The following TEDC2 variants were observed in gnomAD, a reference collection of about 807,000 sequenced individuals.
The protein encoded by TEDC2 is tubulin epsilon and delta complex protein 2.
TEDC2 carries 49 observed loss-of-function variants against 48.1 expected under a neutral mutation model. The ratio of observed to expected loss-of-function variants is 1.02; its 90% confidence interval spans 0.81 to 1.29. TEDC2 has a LOEUF of 1.29. TEDC2 is among the 50% of genes most tolerant of loss of function. The probability of loss-of-function intolerance (pLI) is 0.00; values close to 1 mark genes in which losing one functional copy is unlikely to be tolerated. For synonymous variants in TEDC2, 299 were observed against 247.1 expected, an observed-to-expected ratio of 1.21 and a Z score of -1.97; for missense variants, 631 against 571.4, an observed-to-expected ratio of 1.10 and a Z score of -1.06.
rs1229881893 is a variant in TEDC2, at chr16:2,464,862, G to T, written c.*194G>T. 1 of 704,578 alleles carries T rather than the reference G, an allele frequency of 1.4e-6. No individual in the cohort carries two copies. Among genetic ancestry groups the T allele is most frequent in the Admixed American group, 3.1e-5 (1 of 32,486 alleles). The allele number at this position is 704,578 out of a possible 1,614,324, so 43.6% of individuals were successfully genotyped here. On this transcript the variant is annotated 3_prime_UTR_variant, in exon 10 of 10. Coordinates refer to ENST00000361837, the MANE Select transcript of TEDC2 (RefSeq NM_025108.3). ...GGCTTTCAGCCTTCCTAAGGCTCCT[G>T]GACTCCAGAGGCCAGCGGGGAGCCT... is the stretch of plus-strand genomic sequence containing the variant.
chr16:2,462,334 C>T (rs1183060342), intron 6 of TEDC2, 81 bp from the exon 7 acceptor site: 20 of 1,599,772 alleles, frequency 1.3e-5, no homozygotes, highest in Non-Finnish European at 1.6e-5. Context: ...CGTGGGATGG[C>T]CAGGGCCACT....
Position 2,460,361 on chromosome 16 carries a change from C to T in TEDC2, c.105C>T (p.Cys35=), listed in dbSNP as rs1319010132. 2.6e-6 allele frequency: 4 copies of T among 1,544,390 alleles called. No individual in the cohort carries two copies. Among genetic ancestry groups the T allele is most frequent in the Non-Finnish European group, 3.5e-6 (4 of 1,146,198 alleles). ...QLQLEQSLRV[C]RRLLHAWEPT... ...AATTGGAGCAGAGCCTGCGCGTTTGCCGTCGGCTGCTGCATGCCTGGTACG... is the reference window on the plus strand; with the variant it reads ...AATTGGAGCAGAGCCTGCGCGTTTGTCGTCGGCTGCTGCATGCCTGGTACG... Residue 35 remains cysteine, a synonymous_variant, in exon 2 of 10, where the codon TGC becomes TGT. Coordinates refer to ENST00000361837, the MANE Select transcript of TEDC2 (RefSeq NM_025108.3).
At chr16:2,460,240 C>A (rs2065456696) in intron 1 of TEDC2, 43 bp from the exon 2 acceptor site, 4 of 1,491,020 alleles carry the variant, frequency 2.7e-6, no homozygotes, top group South Asian at 2.5e-5. Flanking sequence ...GGGCCCGAGG[C>A]CCGACGCTGG....
chr16:2,464,569 G>C lies in TEDC2; in HGVS notation c.1203G>C (p.Gln401His). The change falls in exon 10 of 10, where the codon CAG becomes CAC. Residue 401 changes from glutamine to histidine, a missense_variant. Transcript: ENST00000361837. ...LLPLVSAAQPQGPPWLALCRA... is the reference protein window; with the variant it reads ...LLPLVSAAQPHGPPWLALCRA... ...CCCTGGTAAGCGCTGCACAGCCGCA[G>C]GGGCCGCCCTGGCTGGCCCTGTGCC... The C allele has an allele frequency of 1.2e-6, 2 of 1,606,156 alleles. No individual in the cohort carries two copies. Among genetic ancestry groups the C allele is most frequent in the South Asian group, 2.2e-5 (2 of 90,882 alleles).
chr16:2,464,798 T>C lies in TEDC2; in HGVS notation c.*130T>C. 10 of 1,312,378 alleles carry C rather than the reference T, an allele frequency of 7.6e-6. No homozygotes were observed. The highest frequency in any genetic ancestry group is 9.4e-6 in the Non-Finnish European group (9 of 955,602). 81.3% of individuals were successfully genotyped at this position (1,312,378 alleles called of 1,614,324 possible). The stretch of plus-strand genomic sequence containing the variant: ...GGTGAACTGGACCAGGTGGCCTCAC[T>C]GGCTCTTCTCAGGACAACTAAGCCT... On this transcript the variant is annotated 3_prime_UTR_variant, in exon 10 of 10. Transcript: ENST00000361837.
intron 2 of TEDC2, 76 bp from the exon 3 acceptor site, chr16:2,460,547 G>A (rs1253396876): frequency 3.8e-6 from 6 of 1,573,102 alleles, no homozygotes; most frequent in South Asian, 2.3e-5. Flanking sequence ...CTGCCGCGGG[G>A]CCCGGCGGCC....
chr16:2,461,242 T>A lies in TEDC2; in HGVS notation c.605+18T>A, dbSNP rs551367799. The A allele has an allele frequency of 1.3e-5, 19 of 1,446,222 alleles. 2 individuals carry two copies. The South Asian group carries it at 2.7e-4, about 20-fold the overall frequency. 89.6% of individuals were successfully genotyped at this position (1,446,222 alleles called of 1,614,324 possible). A position where few individuals can be genotyped will look rare whatever the true frequency, so the allele number is the denominator to read the frequency against. On this transcript the variant is annotated intron_variant, in intron 4 of 9. Coordinates refer to ENST00000361837, the MANE Select transcript of TEDC2 (RefSeq NM_025108.3). ...GAGAAGGGGTAGGTTTCCCGGACCC[T>A]CACTGGAGGGACTTCTGTCTCTGCC...
At position 2,460,131 on chromosome 16, in the gene TEDC2, A is replaced by G. The variant is rs1182164957; in HGVS notation, c.-14A>G. ...TTCAGAGGCGGCAAATTGCAAGGAGACGCCGCCGCCTTCATGCTGCCGGCG... is the reference window on the plus strand; with the variant it reads ...TTCAGAGGCGGCAAATTGCAAGGAGGCGCCGCCGCCTTCATGCTGCCGGCG... On this transcript the variant is annotated 5_prime_UTR_variant, in exon 1 of 10. Transcript: ENST00000361837. The G allele has an allele frequency of 2.3e-6, 3 of 1,306,160 alleles. No homozygotes were observed. The highest frequency in any genetic ancestry group is 3.8e-5 in the South Asian group (2 of 52,254). 80.9% of individuals were successfully genotyped at this position (1,306,160 alleles called of 1,614,324 possible). A position where few individuals can be genotyped will look rare whatever the true frequency, so the allele number is the denominator to read the frequency against.
chr16:2,460,628 C>T lies in TEDC2; in HGVS notation c.131C>T (p.Pro44Leu), dbSNP rs753221282. 6.2e-7 allele frequency: 1 copy of T among 1,612,960 alleles called. No homozygotes were observed. The highest frequency in any genetic ancestry group is 1.7e-5 in the Admixed American group (1 of 60,022). The change falls in exon 3 of 10, where the codon CCA (proline) becomes CTA (leucine). Residue 44 changes from proline (P) to leucine (L), a missense_variant. Transcript: ENST00000361837. ...VCRRLLHAWE[P>L]TGTRALKPPP... ...GGCTGCCCGTGTCTTTGCAGGGAACCAACTGGGACCCGGGCTTTGAAGCCA... is the reference window on the plus strand; with the variant it reads ...GGCTGCCCGTGTCTTTGCAGGGAACTAACTGGGACCCGGGCTTTGAAGCCA...
At chr16:2,462,808 G>C in intron 8 of TEDC2, 76 bp downstream of exon 8, 1 of 1,362,092 alleles carries the variant, frequency 7.3e-7, no homozygotes, top group Non-Finnish European at 9.8e-7. Context: ...AGGCTTGTCT[G>C]CGCCTCAGGG....
chr16:2,462,980 G>C lies in TEDC2; in HGVS notation c.964+248G>C, dbSNP rs537459747. 2.0e-5 allele frequency among the ~76,000 whole-genome samples: 3 copies of C among 152,344 alleles called. No individual in the cohort carries two copies. In the East Asian group the frequency reaches 5.8e-4, roughly 29 times the overall value. On this transcript the variant is annotated intron_variant, in intron 8 of 9. Transcript: ENST00000361837. ...CCCACCTCGCTGCTCCCCGCACACA[G>C]AACCTCATTGCTCTGAGCAGTTGCT... is the stretch of plus-strand genomic sequence containing the variant.
rs760580275 is a variant in TEDC2 at position 2,460,401 on chromosome 16, A to G, written c.125+20A>G. On this transcript the variant is annotated intron_variant, in intron 2 of 9. Transcript: ENST00000361837. The stretch of plus-strand genomic sequence containing the variant: ...TGCCTGGTACGCGGACCCCGGACCC[A>G]CTGGCCAGACCTCCCTCGGGCCCTC... 1.3e-4 allele frequency: 198 copies of G among 1,544,136 alleles called. No individual in the cohort carries two copies. Among genetic ancestry groups the G allele is most frequent in the Non-Finnish European group, 1.7e-4 (190 of 1,146,040 alleles).
intron 8 of TEDC2, among the ~76,000 whole-genome samples, chr16:2,463,039 G>C (rs890448466): frequency 1.3e-5 from 2 of 152,048 alleles, no homozygotes; most frequent in African/African-American, 4.8e-5. Context: ...TAGCATGTGA[G>C]GGCCGGGCGC....
Position 2,460,967 on chromosome 16 carries a change from C to G in TEDC2, c.348C>G (p.Gly116=). 3 of 1,613,436 alleles carry G rather than the reference C, an allele frequency of 1.9e-6. No individual in the cohort carries two copies. The South Asian group carries it at 3.3e-5, about 18-fold the overall frequency. The change falls in exon 4 of 10, where the codon GGC becomes GGG. Residue 116 remains glycine, a synonymous_variant. Coordinates refer to ENST00000361837, the MANE Select transcript of TEDC2 (RefSeq NM_025108.3). The stretch of plus-strand genomic sequence containing the variant: ...CTAGGTCCATTGTCACCTCTTCTGG[C>G]ACGACAGCCTCCGCCCCACCGCATT... The part of the protein sequence containing the change: ...LKSRSIVTSS[G]TTASAPPHSP...
rs2065460701 is a variant in TEDC2 at position 2,460,703 on chromosome 16, C to T, written c.196+10C>T. The stretch of plus-strand genomic sequence containing the variant: ...GAGGACCCCCTTCCAGGTAAACCTC[C>T]ACCACCCGCCTTCTCCAGGTGCTGC... On this transcript the variant is annotated intron_variant, in intron 3 of 9. Transcript: ENST00000361837. The T allele has an allele frequency of 1.9e-6, 3 of 1,613,018 alleles. No homozygotes were observed. Among genetic ancestry groups the T allele is most frequent in the South Asian group, 2.2e-5 (2 of 91,082 alleles).
At chr16:2,464,461 C>G (rs1182484953) in intron 9 of TEDC2, 61 bp from the exon 10 acceptor site, 7 of 1,483,922 alleles carry the variant, frequency 4.7e-6, no homozygotes, top group Non-Finnish European at 6.3e-6. Flanking sequence ...GAAGCCTGTC[C>G]CAGGATTGCC....
chr16:2,460,287 G>A lies in TEDC2; in HGVS notation c.31G>A (p.Val11Met). ...AGCCGCCGGTGCGTCCCCCAGGCTG[G>A]TGGCCGAGCTGCAGGGCGCCCTGGA... MLPAGCSRRL[V>M]AELQGALDAC... The change falls in exon 2 of 10, where the codon GTG becomes ATG. Residue 11 changes from valine (V) to methionine (M), a missense_variant. Coordinates refer to ENST00000361837, the MANE Select transcript of TEDC2 (RefSeq NM_025108.3). The A allele has an allele frequency of 6.6e-7, 1 of 1,526,694 alleles. No individual in the cohort carries two copies. Among genetic ancestry groups the A allele is most frequent in the South Asian group, 1.2e-5 (1 of 82,848 alleles). 94.6% of individuals were successfully genotyped at this position (1,526,694 alleles called of 1,614,324 possible).
In TEDC2 at chr16:2,464,921, C is replaced by T; in HGVS notation, c.*253C>T. 1 of 541,200 alleles carries T rather than the reference C, an allele frequency of 1.8e-6. No homozygotes were observed. Among genetic ancestry groups the T allele is most frequent in the Non-Finnish European group, 3.3e-6 (1 of 305,768 alleles). The allele number at this position is 541,200 out of a possible 1,614,324, so 33.5% of individuals were successfully genotyped here. ...TCCCTCTGTTTTCTCTCACTGTAGA[C>T]CAAAGAGCCGCTTGTGTGATATTAA... On this transcript the variant is annotated 3_prime_UTR_variant, in exon 10 of 10. Coordinates refer to ENST00000361837, the MANE Select transcript of TEDC2 (RefSeq NM_025108.3).
At chr16:2,462,279 G>A in intron 6 of TEDC2, 40 bp downstream of exon 6, 2 of 1,609,778 alleles carry the variant, frequency 1.2e-6, no homozygotes, top group Non-Finnish European at 1.7e-6. Context: ...GGGGCCTCTA[G>A]CTCTGAACCT....
Sources: gnomAD v4.1 joint callset for allele counts (sites outside exome capture counted in the v4.1 genomes callset) on GRCh38, gnomAD v4.1.1 for gene constraint, MANE v1.5 for transcripts, NCBI Gene and HGNC (gene_info 2026-07-23, HGNC 2026-07-21) for gene names.